The following PPFIA2 variants were observed in gnomAD, a reference collection of about 807,000 sequenced individuals.
The protein encoded by PPFIA2 is liprin-alpha-2.
PPFIA2 carries 46 observed loss-of-function variants against 175.5 expected under a neutral mutation model. The ratio of observed to expected loss-of-function variants is 0.26; its 90% CI spans 0.21 to 0.34. PPFIA2 has a LOEUF of 0.34. PPFIA2 is among the 10% of genes least tolerant of loss of function. The probability of loss-of-function intolerance (pLI) is 1.00; values close to 1 mark genes in which losing one functional copy is unlikely to be tolerated. For synonymous variants in PPFIA2, 568 were observed against 511.4 expected, an observed-to-expected ratio of 1.11 and a Z score of -1.49; for missense variants, 1,179 against 1,506.1, an observed-to-expected ratio of 0.78 and a Z score of 3.60.
chr12:81,297,027 T>G (rs1594188391), intron 23 of PPFIA2, among the ~76,000 whole-genome samples: 1 of 152,202 alleles, frequency 6.6e-6, no homozygotes, highest in East Asian at 1.9e-4. Context: ...TCTCTTTCCC[T>G]CTGAGCTCTC....
chr12:81,284,892 T>C (rs2042921998), intron 24 of PPFIA2, among the ~76,000 whole-genome samples: 1 of 152,186 alleles, frequency 6.6e-6, no homozygotes, highest in African/African-American at 2.4e-5. Context: ...TGTCCCTGAA[T>C]TCTTGCAGCT....
chr12:81,313,226 T>C (rs2051397551), intron 22 of PPFIA2, among the ~76,000 whole-genome samples: 1 of 152,122 alleles, frequency 6.6e-6, no homozygotes, highest in South Asian at 2.1e-4. Context: ...ACAAGCATAA[T>C]AGCCTAATTA....
chr12:81,735,561 A>G (rs2081469141), intron 3 of PPFIA2, among the ~76,000 whole-genome samples: 1 of 151,644 alleles, frequency 6.6e-6, no homozygotes, highest in South Asian at 2.1e-4. Flanking sequence ...TTTTCTTACT[A>G]TTTTGAAGTA....
chr12:81,401,296 T>A (rs972868984), intron 8 of PPFIA2, among the ~76,000 whole-genome samples: 1 of 152,180 alleles, frequency 6.6e-6, no homozygotes. Flanking sequence ...TTCTATACAA[T>A]ATGCCTAAGA....
intron 8 of PPFIA2, among the ~76,000 whole-genome samples, chr12:81,402,062 C>G (rs2042176486): frequency 6.6e-6 from 1 of 152,038 alleles, no homozygotes; most frequent in Admixed American, 6.6e-5. Context: ...ATTTTGTCAA[C>G]AGAGTTCTCA....
intron 28 of PPFIA2, among the ~76,000 whole-genome samples, chr12:81,275,225 G>A (rs2040208017): frequency 1.3e-5 from 2 of 152,076 alleles, no homozygotes; most frequent in East Asian, 1.9e-4. Flanking sequence ...AGTTTCCTGG[G>A]GCCCCCAAAT....
rs949737441 is a variant in PPFIA2 at position 81,432,305 on chromosome 12, T to C, written c.645+7667A>G. 7.2e-5 allele frequency among the ~76,000 whole-genome samples: 11 copies of C among 152,222 alleles called. No homozygotes were observed. The South Asian group carries it at 1.0e-3, about 14-fold the overall frequency. On this transcript the variant is annotated intron_variant, in intron 7 of 32. Transcript: ENST00000549396. ...AACAAATAGATAGGGTCTCGCTTTGTTGCTGAGGCTGGTCTCACACTCCTG... is the reference window on the plus strand; with the variant it reads ...AACAAATAGATAGGGTCTCGCTTTGCTGCTGAGGCTGGTCTCACACTCCTG...
chr12:81,745,532 C>A, intron 3 of PPFIA2, among the ~76,000 whole-genome samples: 1 of 152,112 alleles, frequency 6.6e-6, no homozygotes, highest in East Asian at 1.9e-4. Context: ...GTGGCATTCT[C>A]AAAGAACCCC....
intron 3 of PPFIA2, among the ~76,000 whole-genome samples, chr12:81,683,432 C>T (rs1372650127): frequency 6.6e-6 from 1 of 151,846 alleles, no homozygotes; most frequent in East Asian, 1.9e-4. Context: ...ACATAGTAGC[C>T]CAACTATCCA....
At chr12:81,316,390 A>G (rs368876089) in intron 22 of PPFIA2, among the ~76,000 whole-genome samples, 47 of 151,702 alleles carry the variant, frequency 3.1e-4, no homozygotes, top group East Asian at 2.1e-3. Flanking sequence ...ATTTAAATAT[A>G]CTTTAATTTG....
intron 28 of PPFIA2, among the ~76,000 whole-genome samples, chr12:81,270,322 T>C (rs528381329): frequency 6.6e-6 from 1 of 152,244 alleles, no homozygotes; most frequent in East Asian, 1.9e-4. Flanking sequence ...TTTTAGTCAT[T>C]ATGGTAGGTG....
intron 22 of PPFIA2, among the ~76,000 whole-genome samples, chr12:81,318,336 G>A (rs187782256): frequency 1.3e-4 from 20 of 151,664 alleles, no homozygotes; most frequent in Non-Finnish European, 1.3e-4. Flanking sequence ...CTGCTATTAC[G>A]GATATTGAAA....
chr12:81,381,918 C>T (rs1025411224), intron 9 of PPFIA2, among the ~76,000 whole-genome samples: 10 of 151,762 alleles, frequency 6.6e-5, no homozygotes, highest in African/African-American at 1.9e-4. Context: ...TTTTTGAGTG[C>T]CTATTATACA....
chr12:81,645,678 C>T (rs1019521341), intron 4 of PPFIA2, among the ~76,000 whole-genome samples: 1 of 152,188 alleles, frequency 6.6e-6, no homozygotes, highest in African/African-American at 2.4e-5. Flanking sequence ...AAAGACAGGA[C>T]ACACAAACTG....
chr12:81,508,256 T>C (rs1211132945), intron 4 of PPFIA2, among the ~76,000 whole-genome samples: 1 of 151,994 alleles, frequency 6.6e-6, no homozygotes, highest in Non-Finnish European at 1.5e-5. Flanking sequence ...GCACGGTGGG[T>C]CACGCCTGTA....
intron 4 of PPFIA2, among the ~76,000 whole-genome samples, chr12:81,661,548 G>T (rs577084832): frequency 2.6e-5 from 4 of 152,222 alleles, no homozygotes; most frequent in African/African-American, 9.6e-5. Context: ...GATTCATAAA[G>T]CAAGTCCTTA....
intron 4 of PPFIA2, among the ~76,000 whole-genome samples, chr12:81,657,944 C>A (rs1300859354): frequency 6.6e-6 from 1 of 152,114 alleles, no homozygotes; most frequent in South Asian, 2.1e-4. Context: ...TTTATGTACT[C>A]ATTTTTACAC....
At chr12:81,719,946 G>T (rs932171218) in intron 3 of PPFIA2, among the ~76,000 whole-genome samples, 5 of 151,188 alleles carry the variant, frequency 3.3e-5, no homozygotes, top group African/African-American at 4.9e-5. Context: ...AGTTATGTTT[G>T]TCTTATTAAT....
intron 4 of PPFIA2, among the ~76,000 whole-genome samples, chr12:81,626,552 C>A (rs186848041): frequency 2.0e-5 from 3 of 152,082 alleles, no homozygotes; most frequent in African/African-American, 7.2e-5. Context: ...AGTCACCCTG[C>A]AGTATGTCTG....
Sources: gnomAD v4.1 joint callset for allele counts (sites outside exome capture counted in the v4.1 genomes callset) on GRCh38, gnomAD v4.1.1 for gene constraint, MANE v1.5 for transcripts, NCBI Gene and HGNC (gene_info 2026-07-23, HGNC 2026-07-21) for gene names.